AKR1C1: variants seen among roughly 807,000 people sequenced by gnomAD.
AKR1C1 encodes aldo-keto reductase family 1 member C1.
In AKR1C1, 32 loss-of-function variants were observed where a neutral mutation model predicts 40.6. The ratio of observed to expected loss-of-function variants is 0.79; its 90% confidence interval spans 0.60 to 1.06. The LOEUF is 1.06. Ranked by LOEUF, AKR1C1 falls within the 50% of genes least tolerant of loss-of-function variation. The pLI, the probability that AKR1C1 is intolerant of heterozygous loss-of-function variation, is 0.00. For synonymous variants in AKR1C1, 105 were observed against 134.2 expected (o/e 0.78, Z 1.50); for missense variants, 320 against 363.5 (o/e 0.88, Z 0.97).
At chr10:4,969,829 A>C in intron 5 of AKR1C1, 4 of 1,340,136 alleles carry the variant, frequency 3.0e-6, no homozygotes, top group Non-Finnish European at 4.1e-6. Context: ...TTTATGTTTT[A>C]AAACTTAGAG....
chr10:4,968,655 A>T (rs2961613), intron 4 of AKR1C1, among the ~76,000 whole-genome samples, 167 bp from the exon 5 acceptor site: 17,156 of 152,076 alleles, frequency 0.11, 1,790 homozygotes, highest in East Asian at 0.51. Context: ...AAACAGAAAT[A>T]CTTACTCTTG....
rs1487088697 is a variant in AKR1C1, at chr10:4,967,658, G to C, written c.369+615G>C. 5.4e-5 allele frequency: 44 copies of C among 811,538 alleles called. No homozygotes were observed. The East Asian group carries it at 4.7e-3, about 87-fold the overall frequency. 50.3% of individuals were successfully genotyped at this position (811,538 alleles called of 1,614,324 possible). On this transcript the variant is annotated intron_variant, in intron 3 of 8. Coordinates refer to ENST00000380872, the MANE Select transcript of AKR1C1 (RefSeq NM_001353.6). ...TTAGATATGATAATGGGAAATCAAAGCCAGGGCTACATTAAGAATTTGATA... is the reference window on the plus strand; with the variant it reads ...TTAGATATGATAATGGGAAATCAAACCCAGGGCTACATTAAGAATTTGATA...
rs1836546331 is a variant in AKR1C1 at position 4,977,629 on chromosome 10, A to G, written c.930-71A>G. 7 of 1,597,756 alleles carry G rather than the reference A, an allele frequency of 4.4e-6. No homozygotes were observed. In the East Asian group the frequency reaches 1.6e-4, roughly 36 times the overall value. ...ATCTACACTAGCGGCAGCTTCCTAG[A>G]AATCACTGCACTACCCGCTAGTAAC... On this transcript the variant is annotated intron_variant, in intron 8 of 8. Transcript: ENST00000380872.
intron 5 of AKR1C1, among the ~76,000 whole-genome samples, chr10:4,970,192 A>G (rs1318170602): frequency 6.6e-6 from 1 of 152,216 alleles, no homozygotes. Flanking sequence ...GAATGAAGAT[A>G]TTCTCCCAGT....
intron 5 of AKR1C1, among the ~76,000 whole-genome samples, chr10:4,969,446 A>G (rs1836389018): frequency 6.6e-6 from 1 of 152,114 alleles, no homozygotes; most frequent in Non-Finnish European, 1.5e-5. Context: ...GGGCATAGAT[A>G]CACTAAAAAT....
chr10:4,974,398 C>T (rs1371433999), intron 7 of AKR1C1, among the ~76,000 whole-genome samples: 1 of 151,848 alleles, frequency 6.6e-6, no homozygotes, highest in Non-Finnish European at 1.5e-5. Context: ...GTCATATTCT[C>T]TGTGGTTATG....
rs1554770747 is a variant in AKR1C1, at chr10:4,978,559, A to T, written c.*817A>T. On this transcript the variant is annotated 3_prime_UTR_variant, in exon 9 of 9. Transcript: ENST00000380872. ...TTTGTGGTGGGGCAGGGCATCAAAG[A>T]CATCATTGACTAATCACATTCCCCT... 6.6e-6 allele frequency: 1 copy of T among 152,196 alleles called. No individual in the cohort carries two copies. Among genetic ancestry groups the T allele is most frequent in the Admixed American group, 6.5e-5 (1 of 15,276 alleles). The allele number at this position is 152,196 out of a possible 1,614,324, so 9.4% of individuals were successfully genotyped here. A position where few individuals can be genotyped will look rare whatever the true frequency, so the allele number is the denominator to read the frequency against.
chr10:4,968,496 G>C, intron 4 of AKR1C1, 110 bp downstream of exon 4: 5 of 1,486,080 alleles, frequency 3.4e-6, no homozygotes, highest in Non-Finnish European at 4.6e-6. Context: ...AAAAACTTAG[G>C]AACTTTACAA....
intron 1 of AKR1C1, among the ~76,000 whole-genome samples, chr10:4,964,924 C>T (rs1478984269): frequency 2.0e-5 from 3 of 152,216 alleles, no homozygotes; most frequent in Non-Finnish European, 4.4e-5. Flanking sequence ...AGGTGGATTT[C>T]TCACTATTTC....
At chr10:4,973,667 A>T (rs1201839684) in intron 7 of AKR1C1, among the ~76,000 whole-genome samples, 4 of 152,174 alleles carry the variant, frequency 2.6e-5, no homozygotes, top group Non-Finnish European at 5.9e-5. Flanking sequence ...AAGGAGCTGG[A>T]AATTCATATA....
At position 4,973,418 on chromosome 10, in the gene AKR1C1, T is replaced by G. The variant is rs541896907; in HGVS notation, c.846+669T>G. 1.8e-4 allele frequency among the ~76,000 whole-genome samples: 28 copies of G among 152,354 alleles called. No individual in the cohort carries two copies. The South Asian group carries it at 5.4e-3, about 29-fold the overall frequency. The stretch of plus-strand genomic sequence containing the variant: ...AGGCAGCTCTGCTTCAGGATGTCCC[T>G]GGGGCATCTGTGTGAGCGCCCCCCT... On this transcript the variant is annotated intron_variant, in intron 7 of 8. Coordinates refer to ENST00000380872, the MANE Select transcript of AKR1C1 (RefSeq NM_001353.6).
chr10:4,968,425 A>T, intron 4 of AKR1C1, 39 bp downstream of exon 4: 1 of 1,352,076 alleles, frequency 7.4e-7, no homozygotes, highest in South Asian at 1.3e-5. Flanking sequence ...AAGAAAGATG[A>T]GGTAGGATAC....
rs534990396 is a variant in AKR1C1 at position 4,982,666 on chromosome 10, C to T, written c.*4924C>T. 2.9e-4 allele frequency: 82 copies of T among 285,168 alleles called. No individual in the cohort carries two copies. The East Asian group carries it at 5.3e-3, about 18-fold the overall frequency. 17.7% of individuals were successfully genotyped at this position (285,168 alleles called of 1,614,324 possible). Reference sequence around the variant, plus strand: ...TTTTAGGAGCTTCATAGCCCCTCTTCCCCCATTGCCTGAGAAACCACTTTC... The same window carrying T: ...TTTTAGGAGCTTCATAGCCCCTCTTTCCCCATTGCCTGAGAAACCACTTTC... On this transcript the variant is annotated 3_prime_UTR_variant, in exon 9 of 9. Transcript: ENST00000380872.
intron 7 of AKR1C1, among the ~76,000 whole-genome samples, chr10:4,972,955 TAC>T (rs1201393181): frequency 5.9e-5 from 9 of 152,406 alleles, no homozygotes; most frequent in African/African-American, 2.2e-4. Flanking sequence ...GGATCAAAAC[TAC>T]AGATTTGGGT....
chr10:4,972,184 A>C lies in AKR1C1; in HGVS notation c.571-17A>C. On this transcript the variant is annotated splice_polypyrimidine_tract_variant and intron_variant, in intron 5 of 8. Transcript: ENST00000380872. Reference sequence around the variant, plus strand: ...CTTTTGGATTATCTGATGCTTTTCCATCTTGCTCGTCTGCAGGTGGAATGT... The same window carrying C: ...CTTTTGGATTATCTGATGCTTTTCCCTCTTGCTCGTCTGCAGGTGGAATGT... 6 of 1,613,444 alleles carry C rather than the reference A, an allele frequency of 3.7e-6. No homozygotes were observed. Among genetic ancestry groups the C allele is most frequent in the Non-Finnish European group, 5.1e-6 (6 of 1,179,876 alleles).
intron 7 of AKR1C1, among the ~76,000 whole-genome samples, chr10:4,974,828 A>C (rs1285112386): frequency 6.6e-6 from 1 of 152,086 alleles, no homozygotes; most frequent in African/African-American, 2.4e-5. Context: ...AGTATGGTAC[A>C]AATATTTTTC....
At chr10:4,965,816 AAGG>A (rs1836321905) in intron 1 of AKR1C1, 95 bp from the exon 2 acceptor site, 1 of 1,415,904 alleles carries the variant, frequency 7.1e-7, no homozygotes, top group Non-Finnish European at 9.6e-7. Context: ...TCATCCAAGA[AAGG>A]AGGAAAAGCT....
intron 5 of AKR1C1, 113 bp downstream of exon 5, chr10:4,969,057 A>G (rs1836381512): frequency 6.4e-7 from 1 of 1,574,276 alleles, no homozygotes; most frequent in Non-Finnish European, 8.6e-7. Flanking sequence ...AAGATTCTAG[A>G]GAGCAAAGAC....
At chr10:4,969,181 A>T (rs777569100) in intron 5 of AKR1C1, among the ~76,000 whole-genome samples, 4 of 152,184 alleles carry the variant, frequency 2.6e-5, no homozygotes, top group Non-Finnish European at 5.9e-5. Flanking sequence ...AGGTCAATTC[A>T]ATCAAGGAGG....
Sources: allele counts gnomAD v4.1 joint callset (sites outside exome capture counted in the v4.1 genomes callset), GRCh38; gene constraint gnomAD v4.1.1; transcripts MANE v1.5; gene names NCBI Gene and HGNC (gene_info 2026-07-23, HGNC 2026-07-21).